Variants in CSRNP3 observed in about 807,000 individuals in gnomAD.
CSRNP3 encodes the protein cysteine/serine-rich nuclear protein 3.
In CSRNP3, 12 loss-of-function variants were observed where a neutral mutation model predicts 48.0. The ratio of observed to expected loss-of-function variants is 0.25; its 90% CI spans 0.16 to 0.41. CSRNP3 has a LOEUF of 0.41. Among genes scored for constraint, CSRNP3 ranks in the 10% least tolerant of loss-of-function variants. The pLI, the probability that CSRNP3 is intolerant of heterozygous loss-of-function variation, is 1.00. For synonymous variants in CSRNP3, 263 were observed against 269.7 expected (o/e 0.98, Z 0.24); for missense variants, 580 against 724.4 (o/e 0.80, Z 2.29).
chr2:165,547,913 A>G (rs529054118), intron 3 of CSRNP3, among the ~76,000 whole-genome samples: 4 of 152,240 alleles, frequency 2.6e-5, no homozygotes, highest in African/African-American at 7.2e-5. Flanking sequence ...TTATACATCT[A>G]TGCTTTACAT....
chr2:165,578,371 A>C (rs981197727), intron 3 of CSRNP3, among the ~76,000 whole-genome samples: 1 of 152,090 alleles, frequency 6.6e-6, no homozygotes, highest in African/African-American at 2.4e-5. Flanking sequence ...CCTAATCATA[A>C]ATAAGGAAAG....
At chr2:165,625,390 G>A (rs898254040) in intron 4 of CSRNP3, among the ~76,000 whole-genome samples, 1 of 151,962 alleles carries the variant, frequency 6.6e-6, no homozygotes, top group Admixed American at 6.5e-5. Context: ...ACTTTGGGAG[G>A]CCAAGGTGGG....
chr2:165,642,103 AACACACACACACACACAC>A (rs58624766), intron 4 of CSRNP3, among the ~76,000 whole-genome samples: 27 of 132,200 alleles, frequency 2.0e-4, no homozygotes, highest in East Asian at 6.6e-4. Flanking sequence ...CACACACACA[AACACACACACACACACAC>A]ACACACACAC....
At chr2:165,471,786 G>A (rs1683897297) in intron 1 of CSRNP3, among the ~76,000 whole-genome samples, 1 of 151,888 alleles carries the variant, frequency 6.6e-6, no homozygotes, top group Admixed American at 6.6e-5. Flanking sequence ...GAGACAACTG[G>A]GGTAGCTTTT....
At chr2:165,587,049 A>G (rs763555544) in intron 3 of CSRNP3, among the ~76,000 whole-genome samples, 15 of 152,164 alleles carry the variant, frequency 9.9e-5, no homozygotes, top group Non-Finnish European at 2.2e-4. Context: ...TTTCTTTATT[A>G]GTTTTTTCTT....
At chr2:165,635,262 C>T (rs1189019393) in intron 4 of CSRNP3, among the ~76,000 whole-genome samples, 1 of 152,170 alleles carries the variant, frequency 6.6e-6, no homozygotes, top group Non-Finnish European at 1.5e-5. Flanking sequence ...GACAAGTGGG[C>T]AGAACCTAGA....
chr2:165,481,710 G>A (rs1649096659), intron 1 of CSRNP3, among the ~76,000 whole-genome samples: 1 of 152,048 alleles, frequency 6.6e-6, no homozygotes, highest in Non-Finnish European at 1.5e-5. Flanking sequence ...AGGCATCCTG[G>A]AATACAAAAT....
intron 3 of CSRNP3, among the ~76,000 whole-genome samples, chr2:165,564,042 T>C (rs950645493): frequency 1.3e-5 from 2 of 152,050 alleles, no homozygotes; most frequent in Non-Finnish European, 2.9e-5. Context: ...TTTTGGTCTA[T>C]CGCCACCTAG....
intron 5 of CSRNP3, among the ~76,000 whole-genome samples, chr2:165,658,815 G>A (rs6720192): frequency 0.24 from 36,218 of 151,952 alleles, 4,421 homozygotes; most frequent in Admixed American, 0.29. Context: ...TGGGGGAACT[G>A]CACCCATGAT....
chr2:165,552,031 A>T (rs981008244), intron 3 of CSRNP3, among the ~76,000 whole-genome samples: 1 of 152,244 alleles, frequency 6.6e-6, no homozygotes, highest in Non-Finnish European at 1.5e-5. Context: ...CTTGCTTAAG[A>T]AAACTTTATG....
chr2:165,489,205 A>G (rs201266114), intron 1 of CSRNP3, among the ~76,000 whole-genome samples: 42,170 of 148,064 alleles, frequency 0.28, 6,365 homozygotes, highest in East Asian at 0.38. Flanking sequence ...AGAAGAAATG[A>G]ATACATTCCT....
At chr2:165,524,274 A>G (rs1271551188) in intron 3 of CSRNP3, among the ~76,000 whole-genome samples, 1 of 152,212 alleles carries the variant, frequency 6.6e-6, no homozygotes, top group African/African-American at 2.4e-5. Flanking sequence ...ACAATTCTTT[A>G]ACTACTTGGG....
intron 4 of CSRNP3, among the ~76,000 whole-genome samples, chr2:165,603,127 C>T (rs1038822618): frequency 6.6e-6 from 1 of 152,014 alleles, no homozygotes; most frequent in African/African-American, 2.4e-5. Flanking sequence ...GATCTCCTGA[C>T]CTCATGATCC....
At chr2:165,568,188 C>T (rs1232657480) in intron 3 of CSRNP3, among the ~76,000 whole-genome samples, 1 of 151,986 alleles carries the variant, frequency 6.6e-6, no homozygotes, top group Non-Finnish European at 1.5e-5. Context: ...TCAGCTGCTG[C>T]CCCAGTGCTC....
intron 2 of CSRNP3, among the ~76,000 whole-genome samples, chr2:165,496,185 T>C (rs957533555): frequency 5.9e-5 from 9 of 151,958 alleles, no homozygotes; most frequent in Admixed American, 1.3e-4. Flanking sequence ...TTTGGAACTT[T>C]TAGAAAGTAT....
rs928635431 is a variant in CSRNP3, at chr2:165,517,949, C to T, written c.-36C>T. ...AATCTTCAGGAAAATACTGGAGTTCCTGAGATCTCAAGGTTAGCAGTTTAT... is the reference window on the plus strand; with the variant it reads ...AATCTTCAGGAAAATACTGGAGTTCTTGAGATCTCAAGGTTAGCAGTTTAT... On this transcript the variant is annotated 5_prime_UTR_variant, in exon 3 of 7. Coordinates refer to ENST00000651982, the MANE Select transcript of CSRNP3 (RefSeq NM_001172173.2). 1.3e-5 allele frequency: 2 copies of T among 152,260 alleles called. No individual in the cohort carries two copies. The highest frequency in any genetic ancestry group is 4.8e-5 in the African/African-American group (2 of 41,420). The allele number at this position is 152,260 out of a possible 1,614,324, so 9.4% of individuals were successfully genotyped here.
intron 3 of CSRNP3, among the ~76,000 whole-genome samples, chr2:165,545,710 T>G (rs1290520772): frequency 6.6e-6 from 1 of 152,218 alleles, no homozygotes; most frequent in Non-Finnish European, 1.5e-5. Flanking sequence ...AGATATTTAA[T>G]AAATATTTGC....
intron 5 of CSRNP3, among the ~76,000 whole-genome samples, chr2:165,670,874 CT>C (rs1463984630): frequency 6.6e-6 from 1 of 151,510 alleles, no homozygotes; most frequent in Non-Finnish European, 1.5e-5. Flanking sequence ...GCTTTGAGCT[CT>C]TGGGGAGGCA....
intron 4 of CSRNP3, among the ~76,000 whole-genome samples, chr2:165,617,531 G>T (rs1686268098): frequency 6.6e-6 from 1 of 152,276 alleles, no homozygotes; most frequent in Admixed American, 6.5e-5. Flanking sequence ...ACAATCCTCA[G>T]GCCCCTAGGT....
Sources: allele counts gnomAD v4.1 joint callset (sites outside exome capture counted in the v4.1 genomes callset), GRCh38; gene constraint gnomAD v4.1.1; transcripts MANE v1.5; gene names NCBI Gene and HGNC (gene_info 2026-07-23, HGNC 2026-07-21).